Variants in ANKRD33B observed in about 807,000 individuals in gnomAD.
ANKRD33B encodes the protein ankyrin repeat domain 33B, also known as ankyrin repeat domain-containing protein 33B.
In ANKRD33B, 6 loss-of-function variants were observed where a neutral mutation model predicts 21.5. That is an observed-to-expected ratio of 0.28 (90% confidence interval 0.15 to 0.55). The LOEUF (loss-of-function observed/expected upper bound fraction) is 0.55. Ranked by LOEUF, ANKRD33B falls within the 20% of genes least tolerant of loss-of-function variation. The pLI is 0.94. For synonymous variants in ANKRD33B, 347 were observed against 342.4 expected (o/e 1.01, Z -0.15); for missense variants, 698 against 747.2 (o/e 0.93, Z 0.77).
At chr5:10,634,502 C>T (rs1186120474) in intron 2 of ANKRD33B, among the ~76,000 whole-genome samples, 2 of 147,456 alleles carry the variant, frequency 1.4e-5, no homozygotes, top group African/African-American at 5.0e-5. Flanking sequence ...CTCTGTCGTC[C>T]AGGCTGGAGT....
chr5:10,657,645 G>T lies in ANKRD33B; in HGVS notation c.*7532G>T, dbSNP rs1458721248. On this transcript the variant is annotated 3_prime_UTR_variant, in exon 4 of 4. Transcript: ENST00000296657. ...AGCTTCAATTTTTGATATTCAAAAA[G>T]TTAATAATCTTTAAGCTAAATATAA... 1 of 152,168 alleles carries T rather than the reference G, an allele frequency of 6.6e-6. No homozygotes were observed. The highest frequency in any genetic ancestry group is 1.5e-5 in the Non-Finnish European group (1 of 68,024). 9.4% of individuals were successfully genotyped at this position (152,168 alleles called of 1,614,324 possible).
At chr5:10,570,701 T>G (rs962746405) in intron 1 of ANKRD33B, among the ~76,000 whole-genome samples, 2 of 151,990 alleles carry the variant, frequency 1.3e-5, no homozygotes, top group African/African-American at 4.8e-5. Flanking sequence ...GGACTATAGG[T>G]GCACACCTCC....
chr5:10,564,948 G>GA (rs1735014903), intron 1 of ANKRD33B, 115 bp downstream of exon 1: 2 of 1,358,568 alleles, frequency 1.5e-6, no homozygotes, highest in East Asian at 5.1e-5. Context: ...CGGTCACTCA[G>GA]CCGCCGCCCA....
chr5:10,564,540 C>G lies in ANKRD33B; in HGVS notation c.73C>G (p.Pro25Ala), dbSNP rs761016855. Residue 25 changes from proline to alanine, a missense_variant, in exon 1 of 4, where the codon CCC (proline) becomes GCC (alanine). Transcript: ENST00000296657. ...RCMTPPPPSP[P>A]RGAQVEEDPA... ...CATGACCCCACCACCGCCGTCCCCA[C>G]CCCGGGGCGCGCAGGTCGAGGAGGA... The G allele has an allele frequency of 6.5e-7, 1 of 1,533,264 alleles. No homozygotes were observed. Among genetic ancestry groups the G allele is most frequent in the East Asian group, 2.5e-5 (1 of 40,774 alleles). The allele number at this position is 1,533,264 out of a possible 1,614,324, so 95.0% of individuals were successfully genotyped here.
chr5:10,570,383 G>A (rs1735153878), intron 1 of ANKRD33B, among the ~76,000 whole-genome samples: 1 of 152,148 alleles, frequency 6.6e-6, no homozygotes, highest in Admixed American at 6.5e-5. Flanking sequence ...AGTCTTAACT[G>A]GGAGGACTCA....
At chr5:10,607,425 T>A (rs1341272815) in intron 1 of ANKRD33B, among the ~76,000 whole-genome samples, 1 of 152,208 alleles carries the variant, frequency 6.6e-6, no homozygotes, top group Non-Finnish European at 1.5e-5. Flanking sequence ...CTCCTGGAAG[T>A]GACACCTGCT....
chr5:10,648,535 G>A (rs1316372043), intron 3 of ANKRD33B, among the ~76,000 whole-genome samples: 1 of 152,118 alleles, frequency 6.6e-6, no homozygotes. Flanking sequence ...CGAGGCGGGT[G>A]GATCACCTGA....
intron 1 of ANKRD33B, among the ~76,000 whole-genome samples, chr5:10,571,597 C>G (rs1451566013): frequency 2.6e-5 from 4 of 152,136 alleles, no homozygotes; most frequent in South Asian, 2.1e-4. Flanking sequence ...ATCTCCAGCT[C>G]TGATTTTTTT....
At chr5:10,639,584 G>A (rs1158122285) in intron 3 of ANKRD33B, among the ~76,000 whole-genome samples, 1 of 54,444 alleles carries the variant, frequency 1.8e-5, no homozygotes, top group African/African-American at 1.0e-4. Flanking sequence ...GTGGAGTTGC[G>A]CGGCGATGTT....
At chr5:10,633,517 G>T (rs1736783446) in intron 2 of ANKRD33B, among the ~76,000 whole-genome samples, 1 of 152,242 alleles carries the variant, frequency 6.6e-6, no homozygotes, top group Non-Finnish European at 1.5e-5. Context: ...CTGTTGTTAA[G>T]ATCTGACGTC....
chr5:10,583,957 G>A (rs946650295), intron 1 of ANKRD33B, among the ~76,000 whole-genome samples: 15 of 152,152 alleles, frequency 9.9e-5, no homozygotes, highest in Non-Finnish European at 1.9e-4. Flanking sequence ...ACCCCAGGAG[G>A]CATGAAATAT....
At chr5:10,594,113 C>CT (rs1735766416) in intron 1 of ANKRD33B, among the ~76,000 whole-genome samples, 3 of 151,408 alleles carry the variant, frequency 2.0e-5, no homozygotes, top group South Asian at 4.1e-4. Flanking sequence ...TTATTTAAAG[C>CT]TTTTTTTCAC....
At chr5:10,623,064 T>C (rs1736459196) in intron 2 of ANKRD33B, among the ~76,000 whole-genome samples, 1 of 152,068 alleles carries the variant, frequency 6.6e-6, no homozygotes, top group African/African-American at 2.4e-5. Context: ...ACTTCCAAGT[T>C]GAGTGTGGCA....
In ANKRD33B at chr5:10,576,641, G is replaced by A. The variant is rs777229376; in HGVS notation, c.366+11808G>A. ...AAGTTACAGAGAATGTGCTTGTGCT[G>A]TAATAGACACTCAGTAAACAGAGCT... On this transcript the variant is annotated intron_variant, in intron 1 of 3. Coordinates refer to ENST00000296657, the MANE Select transcript of ANKRD33B (RefSeq NM_001164440.2). This position sits in a 1 kb window ranked among gnomAD's most constrained non-coding sequence, Gnocchi z 4.1. Among the ~76,000 whole-genome samples, 5 of 152,202 alleles carry A rather than the reference G, an allele frequency of 3.3e-5. No individual in the cohort carries two copies. Among genetic ancestry groups the A allele is most frequent in the Non-Finnish European group, 7.3e-5 (5 of 68,034 alleles).
At chr5:10,578,372 T>C (rs1440003928) in intron 1 of ANKRD33B, among the ~76,000 whole-genome samples, 4 of 152,190 alleles carry the variant, frequency 2.6e-5, no homozygotes, top group Non-Finnish European at 4.4e-5. Flanking sequence ...TTTAGCACTA[T>C]CTGGCCCCTG....
At chr5:10,644,422 A>G (rs1271368377) in intron 3 of ANKRD33B, among the ~76,000 whole-genome samples, 1 of 152,214 alleles carries the variant, frequency 6.6e-6, no homozygotes, top group African/African-American at 2.4e-5. Context: ...GAGAGGCAGA[A>G]TCTGTGGAGG....
chr5:10,608,348 A>G (rs1018492079), intron 1 of ANKRD33B, among the ~76,000 whole-genome samples: 3 of 148,054 alleles, frequency 2.0e-5, no homozygotes, highest in African/African-American at 7.5e-5. Context: ...ACAGAGCGAG[A>G]CTCCATCTAA....
At chr5:10,600,149 G>A (rs1466754968) in intron 1 of ANKRD33B, among the ~76,000 whole-genome samples, 3 of 152,232 alleles carry the variant, frequency 2.0e-5, no homozygotes, top group South Asian at 4.1e-4. Context: ...TTGTATGTCT[G>A]CATAGGCAAA....
chr5:10,609,272 G>T (rs551472019), intron 1 of ANKRD33B, among the ~76,000 whole-genome samples: 1 of 152,296 alleles, frequency 6.6e-6, no homozygotes, highest in African/African-American at 2.4e-5. Context: ...AAAATTATCA[G>T]CCAGGTGCAG....
Sources: allele counts gnomAD v4.1 joint callset (sites outside exome capture counted in the v4.1 genomes callset), GRCh38; gene constraint gnomAD v4.1.1; non-coding constraint Gnocchi (gnomAD v3.1); transcripts MANE v1.5; gene names NCBI Gene and HGNC (gene_info 2026-07-23, HGNC 2026-07-21).